The following MUC12 variants were observed in gnomAD, a reference collection of about 807,000 sequenced individuals.
MUC12 encodes mucin 12, cell surface associated, also known as mucin-12.
A neutral mutation model predicts 230.8 loss-of-function variants in MUC12; 172 were observed. That is an observed-to-expected ratio of 0.75 (90% confidence interval 0.66 to 0.85). The LOEUF (loss-of-function observed/expected upper bound fraction) is 0.85, where lower values mean the gene tolerates loss of function less well. Ranked by LOEUF, MUC12 falls within the 40% of genes least tolerant of loss-of-function variation. The pLI, the probability that MUC12 is intolerant of heterozygous loss-of-function variation, is 0.00. For missense variants in MUC12, 3,506 were observed against 5,920.6 expected, an observed-to-expected ratio of 0.59 and a Z score of 13.38; for synonymous variants, 1,259 against 2,401.9, an observed-to-expected ratio of 0.52 and a Z score of 13.91.
chr7:100,975,871 C>G (rs73400800), intron 1 of MUC12, among the ~76,000 whole-genome samples: 1,505 of 152,076 alleles, frequency 9.9e-3, no homozygotes, highest in African/African-American at 0.034. Context: ...AAGATCAAAT[C>G]TTGGGGTGGT....
intron 1 of MUC12, among the ~76,000 whole-genome samples, chr7:100,982,661 T>C (rs936061130): frequency 1.3e-5 from 2 of 152,004 alleles, no homozygotes; most frequent in Admixed American, 6.6e-5. Context: ...ACTCCTGGGT[T>C]CAAGTAGTCC....
chr7:101,005,525 G>C lies in MUC12; in HGVS notation c.14956+6G>C, dbSNP rs1199475396. 5.2e-6 allele frequency: 8 copies of C among 1,530,198 alleles called. No homozygotes were observed. Among genetic ancestry groups the C allele is most frequent in the African/African-American group, 1.4e-5 (1 of 72,852 alleles). The allele number at this position is 1,530,198 out of a possible 1,614,324, so 94.8% of individuals were successfully genotyped here. A position where few individuals can be genotyped will look rare whatever the true frequency, so the allele number is the denominator to read the frequency against. Reference sequence around the variant, plus strand: ...CCTGGAAACCTTAGCACCAGGTACTGCTCTTTCCATTTCATCCACGTTTAG... The same window carrying C: ...CCTGGAAACCTTAGCACCAGGTACTCCTCTTTCCATTTCATCCACGTTTAG... On this transcript the variant is annotated splice_donor_region_variant and intron_variant, in intron 2 of 11. Coordinates refer to ENST00000536621, the MANE Select transcript of MUC12 (RefSeq NM_001164462.2).
chr7:100,975,593 T>C (rs1197588660), intron 1 of MUC12, among the ~76,000 whole-genome samples: 1 of 152,010 alleles, frequency 6.6e-6, no homozygotes, highest in South Asian at 2.1e-4. Flanking sequence ...CAGTTTATAG[T>C]AGAGTTAATG....
rs1793669732 is a variant in MUC12, at chr7:101,003,884, C to T, written c.13321C>T (p.His4441Tyr). The T allele has an allele frequency of 1.3e-5, 19 of 1,450,584 alleles. 5 individuals are homozygous for T. Among genetic ancestry groups the T allele is most frequent in the South Asian group, 2.5e-5 (2 of 81,592 alleles). The allele number at this position is 1,450,584 out of a possible 1,614,324, so 89.9% of individuals were successfully genotyped here. ...SGRGEESTTSHSSTTHTISSA... is the reference protein window; with the variant it reads ...SGRGEESTTSYSSTTHTISSA... The stretch of plus-strand genomic sequence containing the variant: ...CCGTGGTGAAGAATCAACAACTTCC[C>T]ACAGCAGCACAACACACACAATATC... The change falls in exon 2 of 12, where the codon CAC becomes TAC. Residue 4441 changes from histidine to tyrosine, a missense_variant. Physicochemically the swap from His to Tyr is moderately conservative, Grantham distance 83. Coordinates refer to ENST00000536621, the MANE Select transcript of MUC12 (RefSeq NM_001164462.2).
chr7:100,992,336 C>G lies in MUC12; in HGVS notation c.1773C>G (p.Leu591=). The change falls in exon 2 of 12, where the codon CTC becomes CTG. Residue 591 remains leucine, a synonymous_variant. Transcript: ENST00000536621. The stretch of plus-strand genomic sequence containing the variant: ...GCCCAGGCTCCACTGAAACAACACT[C>G]TTACCTGACAACACCACAGCCTCAG... ...HSRPGSTETT[L]LPDNTTASGL... 2 of 1,536,798 alleles carry G rather than the reference C, an allele frequency of 1.3e-6. No homozygotes were observed. The highest frequency in any genetic ancestry group is 1.7e-6 in the Non-Finnish European group (2 of 1,146,112).
intron 1 of MUC12, 178 bp from the exon 2 acceptor site, chr7:100,990,453 T>G (rs1793262262): frequency 1.4e-6 from 1 of 727,408 alleles, no homozygotes; most frequent in Admixed American, 2.9e-5. Flanking sequence ...TCAATAAAAT[T>G]TCTTCAAATC....
intron 1 of MUC12, among the ~76,000 whole-genome samples, chr7:100,987,006 C>G (rs112281343): frequency 0.018 from 2,625 of 149,842 alleles, 74 homozygotes; most frequent in African/African-American, 0.061. Flanking sequence ...GTCCCATGTT[C>G]TAAGTGGCAC....
Position 101,004,808 on chromosome 7 carries a change from G to T in MUC12, c.14245G>T (p.Asp4749Tyr). ...CCTTTACAGTAGCTCCAGATCACCA[G>T]ACCAAACACTCTCACCTGCCAGCAT... is the stretch of plus-strand genomic sequence containing the variant. Reference protein sequence around the residue: ...TILYSSSRSPDQTLSPASMTS... With the variant: ...TILYSSSRSPYQTLSPASMTS... Residue 4749 changes from aspartate (D) to tyrosine (Y), a missense_variant, in exon 2 of 12, where the codon GAC becomes TAC. Physicochemically the swap from Asp to Tyr is radical, Grantham distance 160 (BLOSUM62 -3). Coordinates refer to ENST00000536621, the MANE Select transcript of MUC12 (RefSeq NM_001164462.2). The T allele has an allele frequency of 6.5e-7, 1 of 1,537,582 alleles. No homozygotes were observed. Among genetic ancestry groups the T allele is most frequent in the African/African-American group, 1.4e-5 (1 of 73,104 alleles).
intron 5 of MUC12, among the ~76,000 whole-genome samples, 176 bp from the exon 6 acceptor site, chr7:101,012,120 C>T (rs1584847305): frequency 1.3e-5 from 2 of 152,114 alleles, no homozygotes; most frequent in African/African-American, 2.4e-5. Flanking sequence ...GATCTTGAAT[C>T]GTTTCGCTCT....
chr7:101,009,654 G>A (rs1292379661), intron 5 of MUC12, among the ~76,000 whole-genome samples: 2 of 152,110 alleles, frequency 1.3e-5, no homozygotes, highest in Admixed American at 1.3e-4. Context: ...GCAACATAGC[G>A]AGATCCCATC....
chr7:100,974,763 T>C (rs4729629), intron 1 of MUC12, among the ~76,000 whole-genome samples: 13,433 of 151,330 alleles, frequency 0.089, 21 homozygotes, highest in Admixed American at 0.21. Flanking sequence ...AGGTCGAGAC[T>C]GCAGTGAGCT....
chr7:101,015,421 A>G, intron 9 of MUC12, 194 bp from the exon 10 acceptor site: 1 of 582,910 alleles, frequency 1.7e-6, no homozygotes, highest in Non-Finnish European at 3.1e-6. Flanking sequence ...GGCAGCCAGG[A>G]GGCCTGGCCA....
chr7:100,970,063 C>T (rs1473508264), intron 1 of MUC12, among the ~76,000 whole-genome samples: 1 of 152,304 alleles, frequency 6.6e-6, no homozygotes, highest in Non-Finnish European at 1.5e-5. Flanking sequence ...TGGGTCTTTC[C>T]AAACCTCACG....
chr7:100,970,073 G>A (rs947813267), intron 1 of MUC12, among the ~76,000 whole-genome samples: 37 of 152,410 alleles, frequency 2.4e-4, no homozygotes, highest in Middle Eastern at 3.4e-3. Flanking sequence ...CAAACCTCAC[G>A]GAGGCACTGC....
In MUC12 at chr7:101,005,489, T is replaced by C; in HGVS notation, c.14926T>C (p.Ser4976Pro). The C allele has an allele frequency of 6.5e-7, 1 of 1,537,474 alleles. No homozygotes were observed. Among genetic ancestry groups the C allele is most frequent in the Non-Finnish European group, 8.7e-7 (1 of 1,146,804 alleles). ...TSPSFTSTIV[S>P]TESLETLAPG... ...TCCAAGCTTCACTTCTACAATTGTG[T>C]CTACTGAAAGCCTGGAAACCTTAGC... Residue 4976 changes from serine (S) to proline (P), a missense_variant, in exon 2 of 12, where the codon TCT (serine) becomes CCT (proline). Transcript: ENST00000536621.
rs1793318036 is a variant in MUC12, at chr7:100,991,834, T to G, written c.1271T>G (p.Phe424Cys). 1 of 1,537,442 alleles carries G rather than the reference T, an allele frequency of 6.5e-7. No homozygotes were observed. The highest frequency in any genetic ancestry group is 8.7e-7 in the Non-Finnish European group (1 of 1,146,838). ...CTGGGCTCAACTGAAACAACACACT[T>G]CCGTGATAGCTCCACAATCTCAGGC... ...SSLGSTETTHFRDSSTISGRS... is the reference protein window; with the variant it reads ...SSLGSTETTHCRDSSTISGRS... Residue 424 changes from phenylalanine (F) to cysteine (C), a missense_variant, in exon 2 of 12, where the codon TTC (phenylalanine) becomes TGC (cysteine). Transcript: ENST00000536621.
intron 1 of MUC12, among the ~76,000 whole-genome samples, chr7:100,986,845 C>T (rs1793198286): frequency 6.6e-6 from 1 of 152,184 alleles, no homozygotes; most frequent in Non-Finnish European, 1.5e-5. Context: ...CCTTATATGT[C>T]ATCCTGTAGA....
At chr7:100,972,505 G>A (rs1792927728) in intron 1 of MUC12, among the ~76,000 whole-genome samples, 1 of 152,012 alleles carries the variant, frequency 6.6e-6, no homozygotes, top group Non-Finnish European at 1.5e-5. Flanking sequence ...AGTGGCATCT[G>A]TAGCTTTTTT....
intron 5 of MUC12, among the ~76,000 whole-genome samples, chr7:101,010,380 A>C (rs1793823100): frequency 6.6e-6 from 1 of 152,122 alleles, no homozygotes; most frequent in African/African-American, 2.4e-5. Context: ...TCTCTTGCCC[A>C]GGCTGGAATG....
Sources: allele counts gnomAD v4.1 joint callset (sites outside exome capture counted in the v4.1 genomes callset), GRCh38; gene constraint gnomAD v4.1.1; transcripts MANE v1.5; gene names NCBI Gene and HGNC (gene_info 2026-07-23, HGNC 2026-07-21).